Variants in UBAC2 observed in about 807,000 individuals in gnomAD.
UBAC2 encodes the protein UBA domain containing 2, also known as ubiquitin-associated domain-containing protein 2.
In UBAC2, 26 loss-of-function variants were observed where a neutral mutation model predicts 44.0. That is an observed-to-expected ratio of 0.59 (90% CI 0.43 to 0.82). The LOEUF (loss-of-function observed/expected upper bound fraction) is 0.82. UBAC2 is among the 40% of genes least tolerant of loss of function. The probability of loss-of-function intolerance (pLI) is 0.00; values close to 1 mark genes in which losing one functional copy is unlikely to be tolerated. For missense variants in UBAC2, 329 were observed against 419.4 expected, an observed-to-expected ratio of 0.78 and a Z score of 1.88; for synonymous variants, 155 against 154.3, an observed-to-expected ratio of 1.00 and a Z score of -0.04.
chr13:99,337,071 A>G (rs1244183731), intron 6 of UBAC2, among the ~76,000 whole-genome samples: 1 of 152,170 alleles, frequency 6.6e-6, no homozygotes, highest in Non-Finnish European at 1.5e-5. Flanking sequence ...ATTCATTCAC[A>G]GAAGTGGAAT....
At chr13:99,202,601 C>G (rs751209676) in intron 1 of UBAC2, among the ~76,000 whole-genome samples, 4 of 152,184 alleles carry the variant, frequency 2.6e-5, no homozygotes, top group African/African-American at 9.6e-5. Flanking sequence ...AAATTTGATA[C>G]AGGGCAACTG....
intron 8 of UBAC2, chr13:99,372,572 C>T (rs994740516): frequency 5.3e-5 from 8 of 152,252 alleles, no homozygotes; most frequent in African/African-American, 1.7e-4. Flanking sequence ...AGCCTTAGGA[C>T]ACCAAGGTGG....
intron 8 of UBAC2, among the ~76,000 whole-genome samples, chr13:99,369,558 T>A (rs1353012159): frequency 6.6e-6 from 1 of 152,236 alleles, no homozygotes. Context: ...GATTAAGCTG[T>A]GATATTCAGT....
At chr13:99,370,576 T>C (rs960426179) in intron 8 of UBAC2, among the ~76,000 whole-genome samples, 1 of 152,198 alleles carries the variant, frequency 6.6e-6, no homozygotes, top group African/African-American at 2.4e-5. Context: ...CCATTCCCTG[T>C]CCCCAGAGTG....
At chr13:99,310,564 G>A (rs933993358) in intron 4 of UBAC2, among the ~76,000 whole-genome samples, 4 of 152,230 alleles carry the variant, frequency 2.6e-5, no homozygotes, top group African/African-American at 9.6e-5. Context: ...TGAAGTCTGT[G>A]TGTGTAGAAA....
At chr13:99,373,825 C>T (rs2045442959) in intron 8 of UBAC2, among the ~76,000 whole-genome samples, 1 of 152,148 alleles carries the variant, frequency 6.6e-6, no homozygotes, top group African/African-American at 2.4e-5. Flanking sequence ...ATACTCTAGA[C>T]ACCAAGGAAC....
intron 4 of UBAC2, chr13:99,261,817 C>A (rs2043666763): frequency 1.3e-5 from 2 of 152,362 alleles, no homozygotes; most frequent in African/African-American, 4.8e-5. Flanking sequence ...AGGCACACAG[C>A]CTTCTGCTGC....
At position 99,248,799 on chromosome 13, in the gene UBAC2, T is replaced by G. The variant is rs145100086; in HGVS notation, c.389+4175T>G. ...GCCTTGGCCTCCCAAAGGGCTGGGA[T>G]TATAGGCGTGACCACCATGTCTGGT... On this transcript the variant is annotated intron_variant, in intron 4 of 8. Coordinates refer to ENST00000403766, the MANE Select transcript of UBAC2 (RefSeq NM_001144072.2). Among the ~76,000 whole-genome samples the G allele has an allele frequency of 5.3e-5, 8 of 152,336 alleles. 1 individual carries two copies. In the East Asian group the frequency reaches 1.5e-3, roughly 29 times the overall value.
intron 7 of UBAC2, among the ~76,000 whole-genome samples, chr13:99,348,958 C>T (rs370699755): frequency 5.3e-5 from 8 of 152,062 alleles, no homozygotes; most frequent in East Asian, 3.9e-4. Flanking sequence ...GGTGCAATCA[C>T]GGCTCAAAAA....
intron 1 of UBAC2, among the ~76,000 whole-genome samples, chr13:99,235,824 C>T (rs901194706): frequency 8.6e-5 from 13 of 151,916 alleles, no homozygotes; most frequent in African/African-American, 3.1e-4. Flanking sequence ...AAAAATTAGC[C>T]AGGTGTGGTG....
rs766300242 is a variant in UBAC2 at position 99,295,436 on chromosome 13, C to A, written c.390-18661C>A. 1.2e-6 allele frequency: 2 copies of A among 1,614,000 alleles called. No individual in the cohort carries two copies. The highest frequency in any genetic ancestry group is 1.7e-6 in the Non-Finnish European group (2 of 1,180,000). On this transcript the variant is annotated intron_variant, in intron 4 of 8. Transcript: ENST00000403766. The surrounding 1 kb of genome is among the most constrained non-coding windows in gnomAD (Gnocchi z 4.1). Reference sequence around the variant, plus strand: ...TGTGTTGAGAGCCTTTTTGTTTACACCAGATTTCTCAGTGAGTGGGTTTTG... The same window carrying A: ...TGTGTTGAGAGCCTTTTTGTTTACAACAGATTTCTCAGTGAGTGGGTTTTG...
intron 8 of UBAC2, among the ~76,000 whole-genome samples, chr13:99,378,341 A>AC (rs2045508328): frequency 1.3e-5 from 2 of 152,172 alleles, no homozygotes; most frequent in African/African-American, 2.4e-5. Flanking sequence ...AGCCTGGCCA[A>AC]CATAGTGAAA....
chr13:99,201,645 G>A (rs2042801858), intron 1 of UBAC2: 1 of 1,520,162 alleles, frequency 6.6e-7, no homozygotes, highest in South Asian at 1.2e-5. Context: ...CGGTAAGGTA[G>A]ACTGCGTGTT....
At chr13:99,342,882 G>A (rs1324113513) in intron 7 of UBAC2, among the ~76,000 whole-genome samples, 2 of 152,194 alleles carry the variant, frequency 1.3e-5, no homozygotes, top group Admixed American at 6.5e-5. Flanking sequence ...GCCCATAGGG[G>A]GTTCCCCTGA....
intron 5 of UBAC2, 128 bp downstream of exon 5, chr13:99,314,348 T>G: frequency 8.8e-7 from 1 of 1,131,708 alleles, no homozygotes; most frequent in Non-Finnish European, 1.2e-6. Context: ...GGCTTCATGA[T>G]CTATATCAAA....
At chr13:99,359,078 T>G (rs1241097929) in intron 7 of UBAC2, among the ~76,000 whole-genome samples, 6 of 148,550 alleles carry the variant, frequency 4.0e-5, no homozygotes, top group African/African-American at 1.5e-4. Flanking sequence ...AGGACAGGAG[T>G]GGGAGGAGGA....
intron 4 of UBAC2, among the ~76,000 whole-genome samples, chr13:99,300,419 C>T (rs1475942040): frequency 6.6e-6 from 1 of 152,176 alleles, no homozygotes; most frequent in Non-Finnish European, 1.5e-5. Flanking sequence ...TTATATTTAT[C>T]CTGTGTTATT....
chr13:99,337,223 T>C (rs2044802148), intron 6 of UBAC2, among the ~76,000 whole-genome samples: 1 of 152,218 alleles, frequency 6.6e-6, no homozygotes, highest in African/African-American at 2.4e-5. Flanking sequence ...TTGAATGATA[T>C]TTAATTTATG....
intron 6 of UBAC2, among the ~76,000 whole-genome samples, chr13:99,332,865 A>G (rs1170679533): frequency 1.3e-5 from 2 of 152,144 alleles, no homozygotes; most frequent in Non-Finnish European, 2.9e-5. Flanking sequence ...TGACACACAA[A>G]TCCAACATAT....
Sources: gnomAD v4.1 joint callset for allele counts (sites outside exome capture counted in the v4.1 genomes callset) on GRCh38, gnomAD v4.1.1 for gene constraint, Gnocchi (gnomAD v3.1) non-coding constraint, MANE v1.5 for transcripts, NCBI Gene and HGNC (gene_info 2026-07-23, HGNC 2026-07-21) for gene names.